ITPR1: variants seen among roughly 807,000 people sequenced by gnomAD.
The protein encoded by ITPR1 is inositol 1,4,5-trisphosphate-gated calcium channel ITPR1.
A neutral mutation model predicts 318.4 loss-of-function variants in ITPR1; 96 were observed. That is an observed-to-expected ratio of 0.30 (90% CI 0.26 to 0.36). The LOEUF is 0.36. ITPR1 is among the 10% of genes least tolerant of loss of function. ITPR1 has a pLI of 1.00. For missense variants in ITPR1, 2,440 were observed against 3,460.2 expected, an observed-to-expected ratio of 0.71 and a Z score of 7.40; for synonymous variants, 1,312 against 1,289.9, an observed-to-expected ratio of 1.02 and a Z score of -0.37.
chr3:4,681,111 G>T (rs750474267), intron 25 of ITPR1, among the ~76,000 whole-genome samples: 12 of 152,166 alleles, frequency 7.9e-5, no homozygotes, highest in Non-Finnish European at 1.5e-4. Context: ...CATCTACCAA[G>T]CCCAAGCTTC....
At chr3:4,615,915 A>G (rs2092370983) in intron 4 of ITPR1, among the ~76,000 whole-genome samples, 1 of 152,188 alleles carries the variant, frequency 6.6e-6, no homozygotes. Flanking sequence ...ATTTAGAGAA[A>G]GCATCTGGTT....
At chr3:4,655,908 G>A (rs747955057) in intron 12 of ITPR1, among the ~76,000 whole-genome samples, 1 of 152,142 alleles carries the variant, frequency 6.6e-6, no homozygotes, top group Non-Finnish European at 1.5e-5. Flanking sequence ...AGTACTGGGA[G>A]GACCCCACCC....
intron 52 of ITPR1, among the ~76,000 whole-genome samples, chr3:4,788,973 G>A (rs976551254): frequency 1.3e-5 from 2 of 152,176 alleles, no homozygotes; most frequent in African/African-American, 4.8e-5. Context: ...CGTCTTCTCC[G>A]TGATGCTGCC....
chr3:4,577,105 C>A (rs571719182), intron 4 of ITPR1, among the ~76,000 whole-genome samples: 1 of 152,226 alleles, frequency 6.6e-6, no homozygotes, highest in Admixed American at 6.5e-5. Context: ...CCCACGCTGC[C>A]AGTTATATGT....
At chr3:4,631,006 A>G (rs1370386645) in intron 5 of ITPR1, among the ~76,000 whole-genome samples, 1 of 152,256 alleles carries the variant, frequency 6.6e-6, no homozygotes, top group Non-Finnish European at 1.5e-5. Context: ...CATTTTATGC[A>G]TTCTTTTGCA....
chr3:4,686,250 C>G (rs997584800), intron 30 of ITPR1, among the ~76,000 whole-genome samples: 1 of 152,154 alleles, frequency 6.6e-6, no homozygotes, highest in East Asian at 1.9e-4. Context: ...GCCTTCTACT[C>G]CAGGAAATTT....
At chr3:4,515,446 G>A (rs2082111811) in intron 2 of ITPR1, among the ~76,000 whole-genome samples, 1 of 152,104 alleles carries the variant, frequency 6.6e-6, no homozygotes, top group South Asian at 2.1e-4. Context: ...AGGGGTTTTG[G>A]GAAAACCTGG....
intron 18 of ITPR1, 72 bp downstream of exon 18, chr3:4,667,621 T>C: frequency 7.0e-7 from 1 of 1,419,782 alleles, no homozygotes; most frequent in South Asian, 1.4e-5. Context: ...CTGGTGCTTT[T>C]TACTACGTTT....
chr3:4,681,329 T>C (rs1357957982), intron 25 of ITPR1, 35 bp from the exon 26 acceptor site: 6 of 1,526,048 alleles, frequency 3.9e-6, no homozygotes, highest in Non-Finnish European at 5.5e-6. Context: ...TTGCAGACCT[T>C]CCTGCATCTG....
intron 61 of ITPR1, among the ~76,000 whole-genome samples, chr3:4,839,292 A>T (rs1253511934): frequency 6.6e-6 from 1 of 151,836 alleles, no homozygotes; most frequent in Non-Finnish European, 1.5e-5. Context: ...ACGTCACTGC[A>T]CTCCAGCCTG....
intron 2 of ITPR1, among the ~76,000 whole-genome samples, chr3:4,514,056 C>T (rs150201004): frequency 0.012 from 1,759 of 151,402 alleles, 30 homozygotes; most frequent in African/African-American, 0.04. Context: ...CACTGCACTC[C>T]AGCTTGGGCA....
chr3:4,680,480 T>C, intron 24 of ITPR1, 73 bp from the exon 25 acceptor site: 1 of 1,344,970 alleles, frequency 7.4e-7, no homozygotes, highest in Non-Finnish European at 1.1e-6. Flanking sequence ...CCCGCCAGTG[T>C]GTGGTGGCTT....
In ITPR1 at chr3:4,651,036, T is replaced by C. The variant is rs1008765960; in HGVS notation, c.856-1087T>C. 2.6e-5 allele frequency among the ~76,000 whole-genome samples: 4 copies of C among 152,308 alleles called. No individual in the cohort carries two copies. In the South Asian group the frequency reaches 8.3e-4, roughly 32 times the overall value. On this transcript the variant is annotated intron_variant, in intron 10 of 61. Coordinates refer to ENST00000649015, the MANE Select transcript of ITPR1 (RefSeq NM_001378452.1). ...AGCCAGGTGTTGTGTAGAGTTAATT[T>C]TGGGGCTAGGTTAACTCCCCTTCCA...
At chr3:4,736,837 A>G (rs1030182100) in intron 44 of ITPR1, among the ~76,000 whole-genome samples, 4 of 152,188 alleles carry the variant, frequency 2.6e-5, no homozygotes, top group African/African-American at 4.8e-5. Flanking sequence ...TGAACTGAAT[A>G]GTCATTGAGC....
intron 4 of ITPR1, among the ~76,000 whole-genome samples, chr3:4,550,323 G>A (rs2085435860): frequency 6.6e-6 from 1 of 152,146 alleles, no homozygotes; most frequent in South Asian, 2.1e-4. Context: ...ACAGCAAATG[G>A]GCATTGACCA....
intron 30 of ITPR1, 117 bp downstream of exon 30, chr3:4,685,323 T>C (rs2125235968): frequency 9.3e-7 from 1 of 1,078,686 alleles, no homozygotes; most frequent in Non-Finnish European, 1.3e-6. Context: ...GTGACTATTG[T>C]GACTACAAAG....
chr3:4,700,122 T>C (rs1198359959), intron 35 of ITPR1, among the ~76,000 whole-genome samples, 181 bp downstream of exon 35: 1 of 152,220 alleles, frequency 6.6e-6, no homozygotes, highest in African/African-American at 2.4e-5. Context: ...TACCTGGGGA[T>C]ATTTTCTTAT....
At chr3:4,518,610 C>T (rs1199440511) in intron 3 of ITPR1, among the ~76,000 whole-genome samples, 1 of 152,106 alleles carries the variant, frequency 6.6e-6, no homozygotes, top group Non-Finnish European at 1.5e-5. Flanking sequence ...ATGGGACTCA[C>T]TGTGTAGCAC....
chr3:4,697,977 A>C (rs2094586358), intron 34 of ITPR1, among the ~76,000 whole-genome samples: 1 of 152,126 alleles, frequency 6.6e-6, no homozygotes, highest in Non-Finnish European at 1.5e-5. Flanking sequence ...TCTGAACTTG[A>C]GGATTCTGCA....
Sources: gnomAD v4.1 joint callset for allele counts (sites outside exome capture counted in the v4.1 genomes callset) on GRCh38, gnomAD v4.1.1 for gene constraint, MANE v1.5 for transcripts, NCBI Gene and HGNC (gene_info 2026-07-23, HGNC 2026-07-21) for gene names.